The following MPP7 variants were observed in gnomAD, a reference collection of about 807,000 sequenced individuals.
The protein encoded by MPP7 is MAGUK p55 subfamily member 7.
MPP7 carries 60 observed loss-of-function variants against 76.5 expected under a neutral mutation model. The observed-to-expected ratio is 0.78, with a 90% confidence interval of 0.64 to 0.97. The LOEUF is 0.97. Among genes scored for constraint, MPP7 ranks in the 50% least tolerant of loss-of-function variants. The pLI is 0.00. For synonymous variants in MPP7, 237 were observed against 244.5 expected, an observed-to-expected ratio of 0.97 and a Z score of 0.29; for missense variants, 641 against 694.0, an observed-to-expected ratio of 0.92 and a Z score of 0.86.
At chr10:28,101,550 T>C (rs144186941) in intron 11 of MPP7, among the ~76,000 whole-genome samples, 5 of 152,240 alleles carry the variant, frequency 3.3e-5, no homozygotes, top group African/African-American at 9.6e-5. Context: ...CCTCTTAACT[T>C]ACATTAAGTC....
intron 2 of MPP7, among the ~76,000 whole-genome samples, chr10:28,219,496 A>G (rs1414670913): frequency 6.6e-6 from 1 of 152,164 alleles, no homozygotes; most frequent in African/African-American, 2.4e-5. Flanking sequence ...TTCTTGTCAT[A>G]TCCCTCATAG....
chr10:28,125,235 C>T, intron 6 of MPP7, 144 bp from the exon 7 acceptor site: 2 of 664,934 alleles, frequency 3.0e-6, no homozygotes, highest in South Asian at 3.7e-5. Context: ...AAATAGACAT[C>T]ATGCCATTTG....
At chr10:28,272,559 G>C (rs1840360010) in intron 1 of MPP7, among the ~76,000 whole-genome samples, 1 of 152,100 alleles carries the variant, frequency 6.6e-6, no homozygotes, top group African/African-American at 2.4e-5. Flanking sequence ...AACATCTCTA[G>C]AAAGTAATTT....
intron 1 of MPP7, among the ~76,000 whole-genome samples, chr10:28,272,855 C>T (rs1216877000): frequency 1.3e-5 from 2 of 152,066 alleles, no homozygotes; most frequent in Non-Finnish European, 2.9e-5. Flanking sequence ...TTACTACTTC[C>T]TATGAAGAAT....
intron 16 of MPP7, among the ~76,000 whole-genome samples, chr10:28,055,335 A>G (rs954949789): frequency 6.6e-6 from 1 of 152,228 alleles, no homozygotes; most frequent in African/African-American, 2.4e-5. Context: ...AAAAAAAGGT[A>G]TTTATCAAAT....
At chr10:28,067,059 G>A (rs1045731482) in intron 13 of MPP7, among the ~76,000 whole-genome samples, 1 of 152,170 alleles carries the variant, frequency 6.6e-6, no homozygotes, top group African/African-American at 2.4e-5. Flanking sequence ...TGGGTGTGCA[G>A]TAGGAGCGGA....
At chr10:28,296,891 A>G (rs1010757862) in intron 1 of MPP7, among the ~76,000 whole-genome samples, 20 of 152,212 alleles carry the variant, frequency 1.3e-4, no homozygotes, top group Non-Finnish European at 4.4e-5. Flanking sequence ...TCAGTAATCT[A>G]AGAAAGCAAA....
At chr10:28,100,360 T>A (rs11006867) in intron 11 of MPP7, among the ~76,000 whole-genome samples, 16,842 of 152,020 alleles carry the variant, frequency 0.11, 1,611 homozygotes, top group East Asian at 0.51. Context: ...TCCCAAAGAC[T>A]ATGGAGGATA....
chr10:28,249,521 A>G (rs1839544139), intron 1 of MPP7, among the ~76,000 whole-genome samples: 1 of 152,212 alleles, frequency 6.6e-6, no homozygotes, highest in African/African-American at 2.4e-5. Flanking sequence ...CCTGGGAGGC[A>G]GAGGGTGTAG....
At chr10:28,147,427 G>A in intron 5 of MPP7, 56 bp downstream of exon 5, 1 of 1,361,254 alleles carries the variant, frequency 7.3e-7, no homozygotes, top group South Asian at 1.2e-5. Flanking sequence ...TTCATCTGAA[G>A]GCTCAGAAAG....
At chr10:28,138,040 C>T (rs931323641) in intron 5 of MPP7, among the ~76,000 whole-genome samples, 1 of 152,188 alleles carries the variant, frequency 6.6e-6, no homozygotes, top group African/African-American at 2.4e-5. Context: ...CTTGCATGCT[C>T]AGGCAGTGAG....
chr10:28,202,788 A>C (rs1199446184), intron 2 of MPP7: 1 of 152,214 alleles, frequency 6.6e-6, no homozygotes, highest in Non-Finnish European at 1.5e-5. Context: ...AAAGTACGGG[A>C]AAAGAAATCA....
intron 1 of MPP7, among the ~76,000 whole-genome samples, chr10:28,261,920 T>C (rs935414483): frequency 1.3e-5 from 2 of 148,150 alleles, no homozygotes; most frequent in South Asian, 4.6e-4. Context: ...GAGGCCGAGG[T>C]GGGTGGATTG....
chr10:28,231,780 C>T (rs1838892832), intron 2 of MPP7, among the ~76,000 whole-genome samples: 1 of 152,122 alleles, frequency 6.6e-6, no homozygotes, highest in African/African-American at 2.4e-5. Flanking sequence ...CACAGGTGAC[C>T]TAACAGGTAA....
intron 1 of MPP7, among the ~76,000 whole-genome samples, chr10:28,278,276 A>G (rs1203982349): frequency 6.6e-6 from 1 of 152,100 alleles, no homozygotes; most frequent in Non-Finnish European, 1.5e-5. Context: ...GTCCTTTGCA[A>G]ACGATTCCAT....
At chr10:28,109,972 T>A (rs561998026) in intron 11 of MPP7, among the ~76,000 whole-genome samples, 1 of 151,850 alleles carries the variant, frequency 6.6e-6, no homozygotes, top group African/African-American at 2.4e-5. Context: ...TAAAGTGATA[T>A]TTTTAAACAT....
intron 12 of MPP7, 84 bp from the exon 13 acceptor site, chr10:28,069,936 A>C (rs1369422158): frequency 1.0e-6 from 1 of 956,266 alleles, no homozygotes; most frequent in Non-Finnish European, 1.6e-6. Flanking sequence ...TCTAAGACAG[A>C]CTGAAAACAT....
chr10:28,286,352 A>T (rs575339580), intron 1 of MPP7, among the ~76,000 whole-genome samples: 67 of 147,638 alleles, frequency 4.5e-4, no homozygotes, highest in African/African-American at 1.1e-3. Context: ...CCTCAAAAAA[A>T]AATAATAATA....
At chr10:28,241,410 A>G (rs1452877460) in intron 1 of MPP7, among the ~76,000 whole-genome samples, 1 of 152,202 alleles carries the variant, frequency 6.6e-6, no homozygotes, top group Non-Finnish European at 1.5e-5. Context: ...ATACAAGCAT[A>G]TGAATTTAAA....
Sources: allele counts gnomAD v4.1 joint callset (sites outside exome capture counted in the v4.1 genomes callset), GRCh38; gene constraint gnomAD v4.1.1; transcripts MANE v1.5; gene names NCBI Gene and HGNC (gene_info 2026-07-23, HGNC 2026-07-21).